ETNK2: variants seen among roughly 807,000 people sequenced by gnomAD.
ETNK2 encodes ethanolamine kinase 2, also known as ethanolamine kinase-like protein.
In ETNK2, 33 loss-of-function variants were observed where a neutral mutation model predicts 46.2. That is an observed-to-expected ratio of 0.71 (90% CI 0.54 to 0.96). The LOEUF is 0.96. ETNK2 is among the 40% of genes least tolerant of loss of function. The pLI is 0.00. For missense variants in ETNK2, 445 were observed against 509.7 expected (o/e 0.87, Z 1.22); for synonymous variants, 194 against 209.0 (o/e 0.93, Z 0.62).
chr1:204,145,239 G>C (rs532923304), intron 3 of ETNK2, among the ~76,000 whole-genome samples: 1 of 152,178 alleles, frequency 6.6e-6, no homozygotes, highest in African/African-American at 2.4e-5. Context: ...AAGAGATTGG[G>C]CCAGCTCTTC....
chr1:204,148,516 A>C (rs949917574), intron 2 of ETNK2, among the ~76,000 whole-genome samples: 2 of 151,362 alleles, frequency 1.3e-5, no homozygotes, highest in Non-Finnish European at 2.9e-5. Context: ...GAACTGTTCA[A>C]CTGGAGCCTG....
intron 3 of ETNK2, among the ~76,000 whole-genome samples, chr1:204,145,019 G>C (rs1318587069): frequency 6.6e-6 from 1 of 152,194 alleles, no homozygotes; most frequent in East Asian, 1.9e-4. Flanking sequence ...TTAAATCCCA[G>C]TCAATCAATG....
At chr1:204,141,693 C>A (rs1455901264) in intron 3 of ETNK2, 1 of 536,084 alleles carries the variant, frequency 1.9e-6, no homozygotes, top group Non-Finnish European at 3.3e-6. Context: ...GGCGTCAAAG[C>A]ATGAGGCAGA....
Position 204,137,188 on chromosome 1 carries a change from G to A in ETNK2, c.930C>T (p.His310=). 6.2e-7 allele frequency: 1 copy of A among 1,613,968 alleles called. No individual in the cohort carries two copies. Among genetic ancestry groups the A allele is most frequent in the Non-Finnish European group, 8.5e-7 (1 of 1,179,858 alleles). The change falls in exon 6 of 8, where the codon CAC becomes CAT. Residue 310 remains histidine, a synonymous_variant. Coordinates refer to ENST00000367202, the MANE Select transcript of ETNK2 (RefSeq NM_018208.4). ...PARETQLQWL[H]YYLQAQKGMA... ...TCCCCTTTTGTGCCTGCAGGTAGTA[G>A]TGCAGCCACTGCAGCTGGGTCTCCC...
At chr1:204,149,658 A>G (rs1229174600) in intron 2 of ETNK2, 45 bp downstream of exon 2, 26 of 1,528,440 alleles carry the variant, frequency 1.7e-5, no homozygotes, top group East Asian at 2.4e-5. Flanking sequence ...TCCAAGCCCA[A>G]GGCCTGAAGA....
intron 2 of ETNK2, among the ~76,000 whole-genome samples, chr1:204,149,400 T>C (rs1343923041): frequency 6.6e-6 from 1 of 152,166 alleles, no homozygotes; most frequent in Non-Finnish European, 1.5e-5. Context: ...CAGGTCAGAC[T>C]TGGAGTGGGC....
chr1:204,133,518 C>CATTTT lies in ETNK2; in HGVS notation c.1088+992_1088+996dup, dbSNP rs1164499396. Among the ~76,000 whole-genome samples the CATTTT allele has an allele frequency of 8.6e-4, 109 of 126,040 alleles. 3 individuals carry two copies. The East Asian group carries it at 0.021, about 24-fold the overall frequency. 82.7% of individuals were successfully genotyped at this position (126,040 alleles called of 152,430 possible). A position where few individuals can be genotyped will look rare whatever the true frequency, so the allele number is the denominator to read the frequency against. On this transcript the variant is annotated intron_variant, in intron 7 of 7. Transcript: ENST00000367202. ...ATTAAATTTTATTTTTTTATCATTT[C>CATTTT]ATTTTATTTTATTTTATTTTTTTTT... is the stretch of plus-strand genomic sequence containing the variant.
intron 2 of ETNK2, 137 bp from the exon 3 acceptor site, chr1:204,146,901 T>A: frequency 9.5e-7 from 1 of 1,052,502 alleles, no homozygotes; most frequent in Non-Finnish European, 1.5e-6. Context: ...TGATTGCAAG[T>A]CCCTTAGGAG....
intron 2 of ETNK2, 169 bp from the exon 3 acceptor site, chr1:204,146,933 G>T (rs1416897810): frequency 1.2e-6 from 1 of 814,612 alleles, no homozygotes; most frequent in Admixed American, 2.0e-5. Context: ...CAGAAGGAAG[G>T]TCTCAGCAGA....
intron 3 of ETNK2, chr1:204,141,826 A>T (rs1256185497): frequency 4.8e-6 from 1 of 206,824 alleles, no homozygotes; most frequent in Admixed American, 5.2e-5. Flanking sequence ...GGGATTCCAG[A>T]CTAAGAACAA....
rs199609565 is a variant in ETNK2 at position 204,139,987 on chromosome 1, A to G, written c.868+48T>C. On this transcript the variant is annotated intron_variant, in intron 5 of 7. Coordinates refer to ENST00000367202, the MANE Select transcript of ETNK2 (RefSeq NM_018208.4). Reference sequence around the variant, plus strand: ...ACCATCTACATGCGGTCAGTCATTGACTGAAACACCGCTACAAAGCACATG... The same window carrying G: ...ACCATCTACATGCGGTCAGTCATTGGCTGAAACACCGCTACAAAGCACATG... 2.6e-6 allele frequency: 4 copies of G among 1,517,264 alleles called. No individual in the cohort carries two copies. In the African/African-American group the frequency reaches 5.5e-5, roughly 21 times the overall value. The allele number at this position is 1,517,264 out of a possible 1,614,324, so 94.0% of individuals were successfully genotyped here.
chr1:204,140,221 CG>C (rs1657449585), intron 4 of ETNK2, 103 bp from the exon 5 acceptor site: 1 of 896,100 alleles, frequency 1.1e-6, no homozygotes, highest in African/African-American at 1.6e-5. Context: ...TGAGTGATGC[CG>C]GCCTCTGCAG....
chr1:204,139,362 A>G (rs1302624107), intron 5 of ETNK2, among the ~76,000 whole-genome samples: 1 of 152,168 alleles, frequency 6.6e-6, no homozygotes, highest in Non-Finnish European at 1.5e-5. Flanking sequence ...AGCTGCAGCA[A>G]TCGTCTAAGC....
intron 7 of ETNK2, among the ~76,000 whole-genome samples, chr1:204,133,953 G>A (rs1236809344): frequency 6.6e-6 from 1 of 152,238 alleles, no homozygotes; most frequent in Non-Finnish European, 1.5e-5. Flanking sequence ...CAGAATGGAA[G>A]GAGAAATGAT....
intron 1 of ETNK2, 139 bp from the exon 2 acceptor site, chr1:204,150,101 C>G (rs1196263031): frequency 9.8e-6 from 9 of 914,168 alleles, no homozygotes; most frequent in Non-Finnish European, 1.5e-5. Flanking sequence ...AGTGCTTTAG[C>G]CCAGTCACTC....
At chr1:204,148,242 T>TC (rs76994171) in intron 2 of ETNK2, among the ~76,000 whole-genome samples, 6,636 of 152,074 alleles carry the variant, frequency 0.044, 441 homozygotes, top group East Asian at 0.3. Flanking sequence ...TTTCGGGCTC[T>TC]CCCCCAGATG....
intron 2 of ETNK2, chr1:204,147,565 C>G (rs750394800): frequency 1.9e-6 from 1 of 532,736 alleles, no homozygotes; most frequent in Non-Finnish European, 3.9e-6. Context: ...TGTCCCACCC[C>G]CCAACCGTCT....
chr1:204,143,929 A>G (rs758416616), intron 3 of ETNK2, among the ~76,000 whole-genome samples: 7 of 152,144 alleles, frequency 4.6e-5, no homozygotes, highest in Non-Finnish European at 8.8e-5. Flanking sequence ...TCCAACACCA[A>G]GGCTACTAAA....
At chr1:204,149,206 C>CA (rs1657906652) in intron 2 of ETNK2, among the ~76,000 whole-genome samples, 2 of 152,172 alleles carry the variant, frequency 1.3e-5, no homozygotes, top group Non-Finnish European at 2.9e-5. Flanking sequence ...CCTGGGTTCC[C>CA]ACTTCGTCAA....
Sources: allele counts gnomAD v4.1 joint callset (sites outside exome capture counted in the v4.1 genomes callset), GRCh38; gene constraint gnomAD v4.1.1; transcripts MANE v1.5; gene names NCBI Gene and HGNC (gene_info 2026-07-23, HGNC 2026-07-21).